The following JAM3 variants were observed in gnomAD, a reference collection of about 807,000 sequenced individuals.
JAM3 encodes junctional adhesion molecule C.
Under a neutral mutation model 39.4 loss-of-function variants are expected in JAM3, and 31 were observed. The ratio of observed to expected loss-of-function variants is 0.79; its 90% CI spans 0.59 to 1.06. The LOEUF is 1.06. JAM3 is among the 50% of genes least tolerant of loss of function. The probability of loss-of-function intolerance (pLI) is 0.00; values close to 1 mark genes in which losing one functional copy is unlikely to be tolerated. For missense variants in JAM3, 455 were observed against 391.4 expected (o/e 1.16, Z -1.37); for synonymous variants, 182 against 148.7 (o/e 1.22, Z -1.63).
At chr11:134,144,488 G>GCCATGTGAAGCCCTCA in intron 4 of JAM3, 95 bp downstream of exon 4, 1 of 1,452,174 alleles carries the variant, frequency 6.9e-7, no homozygotes, top group Non-Finnish European at 9.6e-7. Context: ...GTATCCCTGA[G>GCCATGTGAAGCCCTCA]GGCTTCACAT....
chr11:134,138,075 A>G (rs28695595), intron 1 of JAM3, among the ~76,000 whole-genome samples: 49 of 89,770 alleles, frequency 5.5e-4, no homozygotes, highest in East Asian at 1.2e-3. Flanking sequence ...TTTATGGCCA[A>G]TAGTCCCTTA....
chr11:134,075,269 G>A (rs973164121), intron 1 of JAM3, among the ~76,000 whole-genome samples: 8 of 152,118 alleles, frequency 5.3e-5, no homozygotes, highest in Non-Finnish European at 1.0e-4. Flanking sequence ...TGGTAGAGGA[G>A]AATTTCAAAA....
At chr11:134,089,380 A>G (rs1412819997) in intron 1 of JAM3, among the ~76,000 whole-genome samples, 1 of 152,072 alleles carries the variant, frequency 6.6e-6, no homozygotes, top group Non-Finnish European at 1.5e-5. Flanking sequence ...TTACATATGT[A>G]TACATGTGCC....
At chr11:134,076,998 C>G (rs1247742953) in intron 1 of JAM3, among the ~76,000 whole-genome samples, 1 of 151,974 alleles carries the variant, frequency 6.6e-6, no homozygotes, top group Non-Finnish European at 1.5e-5. Context: ...TCATGCCTGA[C>G]TAATTTTTGT....
rs1941566646 is a variant in JAM3, at chr11:134,076,170, T to TG, written c.76+7011_76+7012insG. Among the ~76,000 whole-genome samples, 4 of 148,148 alleles carry TG rather than the reference T, an allele frequency of 2.7e-5. No individual in the cohort carries two copies. In the South Asian group the frequency reaches 8.5e-4, roughly 31 times the overall value. On this transcript the variant is annotated intron_variant, in intron 1 of 8. Transcript: ENST00000299106. ...TTCTTTCTTTTTTTTTTTTTTTTTTTTGAGATGGAGTTTTGCTGTTGTTGC... is the reference window on the plus strand; with the variant it reads ...TTCTTTCTTTTTTTTTTTTTTTTTTTGTGAGATGGAGTTTTGCTGTTGTTGC...
In JAM3 at chr11:134,117,133, G is replaced by A. The variant is rs185266044; in HGVS notation, c.77-22718G>A. ...TCCCAGCACTTTGGGAGGCTGAGGT[G>A]GGTGGATCATCTGAGGTCAGGAGTT... On this transcript the variant is annotated intron_variant, in intron 1 of 8. Transcript: ENST00000299106. Among the ~76,000 whole-genome samples, 742 of 152,042 alleles carry A rather than the reference G, an allele frequency of 4.9e-3. 6 individuals carry two copies. Among genetic ancestry groups the A allele is most frequent in the African/African-American group, 0.017 (710 of 41,458 alleles).
chr11:134,149,212 CGCACGT>C lies in JAM3; in HGVS notation c.*36_*41del. On this transcript the variant is annotated 3_prime_UTR_variant, in exon 9 of 9. Transcript: ENST00000299106. ...GCGGTGTGGCTGAGAGCGCACAGAG[CGCACGT>C]GCACATACCTCTGCTAGAAACTCCT... 7 of 1,613,720 alleles carry C rather than the reference CGCACGT, an allele frequency of 4.3e-6. No homozygotes were observed. Among genetic ancestry groups the C allele is most frequent in the Non-Finnish European group, 5.9e-6 (7 of 1,179,714 alleles).
Position 134,132,817 on chromosome 11 carries a change from A to G in JAM3, c.77-7034A>G, listed in dbSNP as rs529600734. Among the ~76,000 whole-genome samples, 5 of 152,344 alleles carry G rather than the reference A, an allele frequency of 3.3e-5. No individual in the cohort carries two copies. The South Asian group carries it at 1.0e-3, about 32-fold the overall frequency. ...GGGGGGCCTGCTAAGACTGGGCCCC[A>G]TAGAGTTTTTAACTCTCAGACTTGT... On this transcript the variant is annotated intron_variant, in intron 1 of 8. Transcript: ENST00000299106.
Position 134,151,279 on chromosome 11 carries a change from T to G in JAM3, c.*2098T>G, listed in dbSNP as rs1384450432. On this transcript the variant is annotated 3_prime_UTR_variant, in exon 9 of 9. Coordinates refer to ENST00000299106, the MANE Select transcript of JAM3 (RefSeq NM_032801.5). Reference sequence around the variant, plus strand: ...CAGGCCGCCTGGCAGAGGCAGGAAATGCTCCAGCAGTGGCTCAGTGCTCCC... The same window carrying G: ...CAGGCCGCCTGGCAGAGGCAGGAAAGGCTCCAGCAGTGGCTCAGTGCTCCC... 1 of 152,244 alleles carries G rather than the reference T, an allele frequency of 6.6e-6. No individual in the cohort carries two copies. Among genetic ancestry groups the G allele is most frequent in the African/African-American group, 2.4e-5 (1 of 41,464 alleles). 9.4% of individuals were successfully genotyped at this position (152,244 alleles called of 1,614,324 possible). A position where few individuals can be genotyped will look rare whatever the true frequency, so the allele number is the denominator to read the frequency against.
chr11:134,070,043 C>T, intron 1 of JAM3: 1 of 380,684 alleles, frequency 2.6e-6, no homozygotes, highest in Non-Finnish European at 5.1e-6. Context: ...TTTTCCTGGA[C>T]AGTTGTACAG....
chr11:134,092,243 T>C (rs1049804369), intron 1 of JAM3, among the ~76,000 whole-genome samples: 1 of 152,196 alleles, frequency 6.6e-6, no homozygotes, highest in Non-Finnish European at 1.5e-5. Context: ...TTGTGTGTGA[T>C]GCGCTCTGCA....
chr11:134,144,482 C>A lies in JAM3; in HGVS notation c.409+89C>A, dbSNP rs1360416059. The A allele has an allele frequency of 1.4e-5, 21 of 1,479,640 alleles. No homozygotes were observed. In the Admixed American group the frequency reaches 3.5e-4, roughly 25 times the overall value. The allele number at this position is 1,479,640 out of a possible 1,614,324, so 91.7% of individuals were successfully genotyped here. A position where few individuals can be genotyped will look rare whatever the true frequency, so the allele number is the denominator to read the frequency against. ...GGTTTCTTTCCTTCTAGAACTGTAT[C>A]CCTGAGGGCTTCACATGGCTTAGGG... On this transcript the variant is annotated intron_variant, in intron 4 of 8. Coordinates refer to ENST00000299106, the MANE Select transcript of JAM3 (RefSeq NM_032801.5).
chr11:134,150,326 CTG>C lies in JAM3; in HGVS notation c.*1147_*1148del, dbSNP rs751289336. The C allele has an allele frequency of 6.6e-6, 1 of 152,336 alleles. No homozygotes were observed. Among genetic ancestry groups the C allele is most frequent in the Non-Finnish European group, 1.5e-5 (1 of 68,112 alleles). 9.4% of individuals were successfully genotyped at this position (152,336 alleles called of 1,614,324 possible). A position where few individuals can be genotyped will look rare whatever the true frequency, so the allele number is the denominator to read the frequency against. On this transcript the variant is annotated 3_prime_UTR_variant, in exon 9 of 9. Transcript: ENST00000299106. ...CTCTTCCTGAGATGACTAGGACAGT[CTG>C]TACCCAGAGGCCACCCAGAAGCCCT...
At chr11:134,138,189 G>A (rs767232898) in intron 1 of JAM3, among the ~76,000 whole-genome samples, 3,619 of 105,280 alleles carry the variant, frequency 0.034, 181 homozygotes, top group African/African-American at 0.063. Context: ...TCGAAGTCGT[G>A]GTGCTCATAC....
chr11:134,098,282 T>A (rs932580847), intron 1 of JAM3, among the ~76,000 whole-genome samples: 3 of 152,128 alleles, frequency 2.0e-5, no homozygotes, highest in African/African-American at 7.2e-5. Flanking sequence ...AAAGTTCAAC[T>A]TCAGAGAGGA....
chr11:134,113,289 C>A (rs1017180119), intron 1 of JAM3, among the ~76,000 whole-genome samples: 22 of 151,716 alleles, frequency 1.5e-4, no homozygotes, highest in Non-Finnish European at 4.4e-5. Context: ...GTGTGCTGCA[C>A]CCATTAACTC....
chr11:134,146,551 CT>C (rs534444268), intron 6 of JAM3, among the ~76,000 whole-genome samples: 13 of 148,298 alleles, frequency 8.8e-5, no homozygotes, highest in Non-Finnish European at 7.5e-5. Flanking sequence ...ACTTGGGGAG[CT>C]TTTTTTTTTC....
intron 1 of JAM3, among the ~76,000 whole-genome samples, chr11:134,138,346 TGA>T (rs1223615326): frequency 6.8e-6 from 1 of 146,242 alleles, no homozygotes; most frequent in African/African-American, 2.7e-5. Context: ...GTGCTCATGC[TGA>T]GAGAAATGTT....
At chr11:134,106,286 C>T (rs1345550431) in intron 1 of JAM3, among the ~76,000 whole-genome samples, 1 of 152,110 alleles carries the variant, frequency 6.6e-6, no homozygotes, top group East Asian at 1.9e-4. Flanking sequence ...GGAAAACTGG[C>T]TAGCCATATG....
Sources: gnomAD v4.1 joint callset for allele counts (sites outside exome capture counted in the v4.1 genomes callset) on GRCh38, gnomAD v4.1.1 for gene constraint, MANE v1.5 for transcripts, NCBI Gene and HGNC (gene_info 2026-07-23, HGNC 2026-07-21) for gene names.